DTYMK: variants seen among roughly 807,000 people sequenced by gnomAD.
DTYMK encodes thymidylate kinase.
Under a neutral mutation model 20.3 loss-of-function variants are expected in DTYMK, and 20 were observed. That is an observed-to-expected ratio of 0.99 (90% CI 0.69 to 1.43). DTYMK has a LOEUF of 1.43. DTYMK is among the 40% of genes most tolerant of loss of function. The probability of loss-of-function intolerance (pLI) is 0.00; values close to 1 mark genes in which losing one functional copy is unlikely to be tolerated. For synonymous variants in DTYMK, 148 were observed against 124.4 expected (o/e 1.19, Z -1.27); for missense variants, 320 against 291.1 (o/e 1.10, Z -0.72).
At chr2:241,685,977 C>G in intron 1 of DTYMK, 100 bp from the exon 2 acceptor site, 1 of 1,232,846 alleles carries the variant, frequency 8.1e-7, no homozygotes, top group Non-Finnish European at 1.1e-6. Context: ...TCAAGTCTCA[C>G]GTTGAATTTT....
intron 2 of DTYMK, chr2:241,684,716 A>AT: frequency 2.1e-6 from 1 of 467,238 alleles, no homozygotes; most frequent in Non-Finnish European, 4.4e-6. Context: ...AAGAACACAC[A>AT]TCAACATTAA....
At position 241,680,229 on chromosome 2, in the gene DTYMK, C is replaced by T. The variant is rs1265657412; in HGVS notation, c.330G>A (p.Glu110=). Residue 110 remains glutamate, a splice_region_variant and synonymous_variant, in exon 3 of 5, where the codon GAG becomes GAA. Transcript: ENST00000305784. ...TGACAGGAGGCCAAGTGGCACTCAC[C>T]TCCTTGGCACCGGTGAAGGCCACAC... ...FSGVAFTGAK[E]NFSLDWCKQP... 5 of 1,614,012 alleles carry T rather than the reference C, an allele frequency of 3.1e-6. No individual in the cohort carries two copies. Among genetic ancestry groups the T allele is most frequent in the Non-Finnish European group, 4.2e-6 (5 of 1,180,000 alleles).
At chr2:241,685,518 C>T (rs1246883096) in intron 2 of DTYMK, 2 of 336,374 alleles carry the variant, frequency 5.9e-6, no homozygotes, top group Non-Finnish European at 1.1e-5. Flanking sequence ...AGCGGAACTC[C>T]GTCTAAAAAA....
chr2:241,685,769 A>G lies in DTYMK; in HGVS notation c.239T>C (p.Val80Ala). 6.2e-7 allele frequency: 1 copy of G among 1,613,974 alleles called. No individual in the cohort carries two copies. The change falls in exon 2 of 5, where the codon GTG (valine) becomes GCG (alanine). Residue 80 changes from valine (V) to alanine (A), a missense_variant and splice_region_variant. Coordinates refer to ENST00000305784, the MANE Select transcript of DTYMK (RefSeq NM_012145.4). ...GGGAGCAGTGTGCAATGGTTTTTAC[A>G]CTTGTTCCCAGCGATTTGCAGAAAA... ...LLFSANRWEQ[V>A]PLIKEKLSQG... is the part of the protein sequence containing the mutation.
chr2:241,680,472 C>G (rs573849799), intron 2 of DTYMK, among the ~76,000 whole-genome samples, 153 bp from the exon 3 acceptor site: 1 of 151,964 alleles, frequency 6.6e-6, no homozygotes, highest in South Asian at 2.1e-4. Flanking sequence ...GTCAGGAGAT[C>G]GAGACCATCC....
Position 241,686,636 on chromosome 2 carries a change from C to T in DTYMK, c.130+18G>A, listed in dbSNP as rs2069419613. Reference sequence around the variant, plus strand: ...AGGCACCGAAGGCCGCGGCGCACCCCCCGCCGCGCGCACCCACCCGGGAAC... The same window carrying T: ...AGGCACCGAAGGCCGCGGCGCACCCTCCGCCGCGCGCACCCACCCGGGAAC... On this transcript the variant is annotated intron_variant, in intron 1 of 4. Transcript: ENST00000305784. 3 of 1,495,308 alleles carry T rather than the reference C, an allele frequency of 2.0e-6. No homozygotes were observed. In the South Asian group the frequency reaches 3.8e-5, roughly 19 times the overall value. 92.6% of individuals were successfully genotyped at this position (1,495,308 alleles called of 1,614,324 possible).
intron 2 of DTYMK, chr2:241,684,737 A>C (rs541116395): frequency 1.7e-5 from 8 of 467,754 alleles, no homozygotes; most frequent in Non-Finnish European, 3.5e-5. Context: ...GTGTTGAATG[A>C]AGAGGAAACC....
chr2:241,677,684 C>T (rs966963682), intron 4 of DTYMK, among the ~76,000 whole-genome samples: 4 of 152,174 alleles, frequency 2.6e-5, no homozygotes, highest in Non-Finnish European at 4.4e-5. Flanking sequence ...CCTGCGAGTC[C>T]ACTGGGAGGG....
chr2:241,685,327 C>T (rs1324642986), intron 2 of DTYMK: 1 of 153,862 alleles, frequency 6.5e-6, no homozygotes, highest in African/African-American at 2.4e-5. Flanking sequence ...GAAACCCTGT[C>T]TCTACTAAAA....
At chr2:241,679,971 C>CAAA (rs766555100) in intron 3 of DTYMK, among the ~76,000 whole-genome samples, 4 of 101,992 alleles carry the variant, frequency 3.9e-5, no homozygotes, top group East Asian at 2.5e-4. Context: ...ACTGTCTCCC[C>CAAA]AAAAAAAAAA....
chr2:241,678,356 C>T lies in DTYMK; in HGVS notation c.528+96G>A, dbSNP rs773852328. On this transcript the variant is annotated intron_variant, in intron 4 of 4. Coordinates refer to ENST00000305784, the MANE Select transcript of DTYMK (RefSeq NM_012145.4). The stretch of plus-strand genomic sequence containing the variant: ...CACATCTGGGAGGACCAGACGGAAA[C>T]GGCAGCAGCTTTGCTGACACAACTG... 4.0e-4 allele frequency: 610 copies of T among 1,540,802 alleles called. 1 individual carries two copies. The highest frequency in any genetic ancestry group is 5.1e-4 in the Non-Finnish European group (578 of 1,130,840).
intron 2 of DTYMK, among the ~76,000 whole-genome samples, chr2:241,680,638 A>G (rs1368995006): frequency 1.3e-5 from 2 of 152,184 alleles, no homozygotes; most frequent in Non-Finnish European, 2.9e-5. Context: ...ACACCACTGC[A>G]TTCCAGCCTG....
intron 2 of DTYMK, among the ~76,000 whole-genome samples, chr2:241,681,615 G>T (rs2069260521): frequency 6.6e-6 from 1 of 152,220 alleles, no homozygotes; most frequent in Non-Finnish European, 1.5e-5. Flanking sequence ...TAACACAGGA[G>T]AAAACTTAGA....
At chr2:241,676,447 G>C (rs1310165552) in intron 4 of DTYMK, among the ~76,000 whole-genome samples, 1 of 152,186 alleles carries the variant, frequency 6.6e-6, no homozygotes, top group African/African-American at 2.4e-5. Context: ...GGGTGACACA[G>C]TAACACCCTG....
intron 4 of DTYMK, 106 bp downstream of exon 4, chr2:241,678,346 C>G: frequency 6.7e-7 from 1 of 1,501,926 alleles, no homozygotes; most frequent in Admixed American, 1.8e-5. Context: ...CTGGGAGGAC[C>G]AGACGGAAAC....
intron 2 of DTYMK, among the ~76,000 whole-genome samples, chr2:241,681,705 G>A (rs2069262166): frequency 6.6e-6 from 1 of 152,180 alleles, no homozygotes; most frequent in South Asian, 2.1e-4. Context: ...TGGACTTCAC[G>A]AAAATAATAA....
At chr2:241,680,126 A>G (rs1438308279) in intron 3 of DTYMK, 103 bp downstream of exon 3, 1 of 1,084,578 alleles carries the variant, frequency 9.2e-7, no homozygotes, top group Non-Finnish European at 1.4e-6. Flanking sequence ...GAATCACGAA[A>G]CTCTGCAGAG....
Position 241,676,838 on chromosome 2 carries a change from G to A in DTYMK, c.529-601C>T, listed in dbSNP as rs549504498. ...AAGCGGCGAGTCGGAAGCACAGAGGGCAGACCCTGCCCTGCCCACGCTCCT... is the reference window on the plus strand; with the variant it reads ...AAGCGGCGAGTCGGAAGCACAGAGGACAGACCCTGCCCTGCCCACGCTCCT... On this transcript the variant is annotated intron_variant, in intron 4 of 4. Coordinates refer to ENST00000305784, the MANE Select transcript of DTYMK (RefSeq NM_012145.4). 3.3e-5 allele frequency among the ~76,000 whole-genome samples: 5 copies of A among 152,366 alleles called. No individual in the cohort carries two copies. The South Asian group carries it at 1.0e-3, about 32-fold the overall frequency.
At position 241,676,075 on chromosome 2, in the gene DTYMK, C is replaced by G; in HGVS notation, c.*52G>C. The G allele has an allele frequency of 6.5e-7, 1 of 1,536,152 alleles. No homozygotes were observed. The highest frequency in any genetic ancestry group is 1.4e-5 in the African/African-American group (1 of 72,768). On this transcript the variant is annotated 3_prime_UTR_variant, in exon 5 of 5. Coordinates refer to ENST00000305784, the MANE Select transcript of DTYMK (RefSeq NM_012145.4). Reference sequence around the variant, plus strand: ...TGGGGACGGGGCCTTCCGCGAGTCTCCCACCTCTCGGGGGACTGCAGGGAG... The same window carrying G: ...TGGGGACGGGGCCTTCCGCGAGTCTGCCACCTCTCGGGGGACTGCAGGGAG...
Sources: allele counts gnomAD v4.1 joint callset (sites outside exome capture counted in the v4.1 genomes callset), GRCh38; gene constraint gnomAD v4.1.1; transcripts MANE v1.5; gene names NCBI Gene and HGNC (gene_info 2026-07-23, HGNC 2026-07-21).